The following DACH2 variants were observed in gnomAD, a reference collection of about 807,000 sequenced individuals.
The protein encoded by DACH2 is dachshund homolog 2.
DACH2 carries 17 observed loss-of-function variants against 35.8 expected under a neutral mutation model. That is an observed-to-expected ratio of 0.48 (90% CI 0.33 to 0.71). DACH2 has a LOEUF of 0.71. Ranked by LOEUF, DACH2 falls within the 30% of genes least tolerant of loss-of-function variation. The pLI is 0.02. For synonymous variants in DACH2, 195 were observed against 177.3 expected, an observed-to-expected ratio of 1.10 and a Z score of -0.79; for missense variants, 469 against 472.7, an observed-to-expected ratio of 0.99 and a Z score of 0.07.
At chrX:86,466,926 G>A (rs1386562276) in intron 2 of DACH2, among the ~76,000 whole-genome samples, 2 of 111,187 alleles carry the variant, frequency 1.8e-5, no homozygotes, top group African/African-American at 6.5e-5. Context: ...AGGGACCCTG[G>A]ACCTGGGCAA....
At chrX:86,221,333 G>A (rs1602298426) in intron 1 of DACH2, among the ~76,000 whole-genome samples, 1 of 111,679 alleles carries the variant, frequency 9.0e-6, no homozygotes, top group East Asian at 2.8e-4. Context: ...TCCCTACTGT[G>A]TATTCTTAAA....
chrX:86,800,969 G>A (rs148817051), intron 7 of DACH2, among the ~76,000 whole-genome samples: 1,235 of 110,915 alleles, frequency 0.011, 4 homozygotes, highest in Non-Finnish European at 0.018. Context: ...TGTGCCCGGC[G>A]CAACAGTTTT....
intron 3 of DACH2, among the ~76,000 whole-genome samples, chrX:86,555,805 A>G (rs1291938597): frequency 9.0e-6 from 1 of 111,604 alleles, no homozygotes; most frequent in Non-Finnish European, 1.9e-5. Context: ...AGAGCTTTTG[A>G]TGGTGGGTAA....
At chrX:86,282,629 A>C (rs1212010276) in intron 1 of DACH2, among the ~76,000 whole-genome samples, 4 of 111,664 alleles carry the variant, frequency 3.6e-5, no homozygotes, top group Non-Finnish European at 1.9e-5. Context: ...TGAACAGGCA[A>C]CCTACAGAAT....
chrX:86,654,769 T>C (rs1413073574), intron 4 of DACH2, among the ~76,000 whole-genome samples: 1 of 111,455 alleles, frequency 9.0e-6, no homozygotes, highest in Non-Finnish European at 1.9e-5. Flanking sequence ...GATCTAATTA[T>C]CCTTATCTTG....
At chrX:86,443,261 T>G (rs1280237485) in intron 2 of DACH2, among the ~76,000 whole-genome samples, 1 of 111,767 alleles carries the variant, frequency 8.9e-6, no homozygotes, top group East Asian at 2.8e-4. Context: ...GTTTTCAGTG[T>G]AGAGACCTTT....
At chrX:86,609,216 C>T (rs1402376075) in intron 3 of DACH2, among the ~76,000 whole-genome samples, 1 of 111,851 alleles carries the variant, frequency 8.9e-6, no homozygotes, top group East Asian at 2.8e-4. Flanking sequence ...TGATGTCAAG[C>T]TCACAGATTG....
intron 3 of DACH2, among the ~76,000 whole-genome samples, chrX:86,550,823 G>T (rs1200001708): frequency 1.8e-5 from 2 of 111,673 alleles, no homozygotes; most frequent in Non-Finnish European, 3.8e-5. Context: ...TGAGCACCAT[G>T]TGGAAAAAAA....
intron 3 of DACH2, among the ~76,000 whole-genome samples, chrX:86,548,623 T>C (rs1289499697): frequency 8.9e-6 from 1 of 112,030 alleles, no homozygotes; most frequent in African/African-American, 3.2e-5. Flanking sequence ...TATTCATGAA[T>C]ACTACTGACA....
chrX:86,637,529 G>A (rs1307588843), intron 3 of DACH2, among the ~76,000 whole-genome samples: 1 of 111,519 alleles, frequency 9.0e-6, no homozygotes, highest in African/African-American at 3.3e-5. Context: ...ATACACCATG[G>A]AATACTATGC....
At chrX:86,209,058 A>G (rs765939134) in intron 1 of DACH2, among the ~76,000 whole-genome samples, 1 of 111,765 alleles carries the variant, frequency 8.9e-6, no homozygotes, top group South Asian at 3.7e-4. Flanking sequence ...TACATTATCT[A>G]GCTGTGAGAC....
At chrX:86,396,774 C>A (rs918760572) in intron 2 of DACH2, among the ~76,000 whole-genome samples, 4 of 111,301 alleles carry the variant, frequency 3.6e-5, no homozygotes, top group African/African-American at 1.3e-4. Context: ...CAGTACCATA[C>A]TGTTTTGGTT....
chrX:86,613,379 G>A (rs935841045), intron 3 of DACH2, among the ~76,000 whole-genome samples: 2 of 109,203 alleles, frequency 1.8e-5, no homozygotes, highest in African/African-American at 3.3e-5. Context: ...CCTTTACTCC[G>A]TGCTGACTAG....
chrX:86,777,106 A>G (rs1027704811), intron 7 of DACH2, among the ~76,000 whole-genome samples: 2 of 111,533 alleles, frequency 1.8e-5, no homozygotes. Context: ...TATACCCAGC[A>G]ATGGGATGGC....
intron 2 of DACH2, among the ~76,000 whole-genome samples, chrX:86,410,183 T>G (rs1260798965): frequency 8.9e-6 from 1 of 112,374 alleles, no homozygotes; most frequent in African/African-American, 3.2e-5. Context: ...AATACTTTAC[T>G]AAGTGAAATA....
At chrX:86,743,472 C>T (rs1270082159) in intron 7 of DACH2, among the ~76,000 whole-genome samples, 1 of 111,347 alleles carries the variant, frequency 9.0e-6, no homozygotes, top group Non-Finnish European at 1.9e-5. Context: ...CAGTAGCTAA[C>T]ATGTAATTTA....
intron 1 of DACH2, among the ~76,000 whole-genome samples, chrX:86,358,540 C>A (rs916367439): frequency 7.4e-5 from 8 of 108,374 alleles, no homozygotes; most frequent in African/African-American, 1.3e-4. Flanking sequence ...ACAAGCCCTG[C>A]TGATAATCCT....
chrX:86,370,748 A>G (rs2035875394), intron 1 of DACH2, among the ~76,000 whole-genome samples: 1 of 112,129 alleles, frequency 8.9e-6, no homozygotes. Flanking sequence ...GATTTCAAGC[A>G]AATTAGCTAA....
intron 2 of DACH2, among the ~76,000 whole-genome samples, chrX:86,496,025 T>C: frequency 9.0e-6 from 1 of 111,322 alleles, no homozygotes. Context: ...GTATAAAGGC[T>C]CAGAACAGTG....
Sources: gnomAD v4.1 joint callset for allele counts (sites outside exome capture counted in the v4.1 genomes callset) on GRCh38, gnomAD v4.1.1 for gene constraint, MANE v1.5 for transcripts, NCBI Gene and HGNC (gene_info 2026-07-23, HGNC 2026-07-21) for gene names.